NCOA7: variants seen among roughly 807,000 people sequenced by gnomAD.
NCOA7 encodes nuclear receptor coactivator 7, also known as 140 kDa estrogen receptor-associated protein.
Under a neutral mutation model 104.3 loss-of-function variants are expected in NCOA7, and 45 were observed. That is an observed-to-expected ratio of 0.43 (90% CI 0.34 to 0.55). NCOA7 has a LOEUF of 0.55. NCOA7 is among the 20% of genes least tolerant of loss of function. The pLI is 0.02. For synonymous variants in NCOA7, 398 were observed against 402.3 expected, an observed-to-expected ratio of 0.99 and a Z score of 0.13; for missense variants, 1,041 against 1,119.7, an observed-to-expected ratio of 0.93 and a Z score of 1.00.
chr6:125,791,690 C>T (rs1463267825), intron 1 of NCOA7, among the ~76,000 whole-genome samples: 1 of 152,072 alleles, frequency 6.6e-6, no homozygotes, highest in Non-Finnish European at 1.5e-5. Flanking sequence ...CCTCTGCTTA[C>T]GTGAAGGGAT....
upstream of NCOA7, among the ~76,000 whole-genome samples, chr6:125,788,796 C>T (rs768144128): frequency 2.0e-5 from 3 of 151,602 alleles, no homozygotes; most frequent in Non-Finnish European, 4.4e-5. Context: ...CCCGCCTCGG[C>T]CTCCCAAAGT....
intron 12 of NCOA7, among the ~76,000 whole-genome samples, chr6:125,921,865 A>G (rs1787617153): frequency 6.6e-6 from 1 of 152,176 alleles, no homozygotes; most frequent in African/African-American, 2.4e-5. Flanking sequence ...TTTACTTGAA[A>G]TTCATGAAAT....
intron 2 of NCOA7, among the ~76,000 whole-genome samples, chr6:125,852,495 GA>G (rs948693693): frequency 6.6e-6 from 1 of 152,088 alleles, no homozygotes; most frequent in African/African-American, 2.4e-5. Context: ...GCCCAGCCCA[GA>G]AGAATTTTTA....
At chr6:125,860,007 A>G (rs995177094) in intron 3 of NCOA7, among the ~76,000 whole-genome samples, 1 of 152,204 alleles carries the variant, frequency 6.6e-6, no homozygotes, top group Admixed American at 6.5e-5. Flanking sequence ...GAGTGATTAC[A>G]TTGAGGCAGA....
chr6:125,926,931 G>T (rs1467743272), intron 13 of NCOA7, among the ~76,000 whole-genome samples: 3 of 152,168 alleles, frequency 2.0e-5, no homozygotes, highest in African/African-American at 7.2e-5. Flanking sequence ...GGCAGTGGGC[G>T]TACACATTCT....
chr6:125,824,832 C>G (rs1227169168), intron 2 of NCOA7, among the ~76,000 whole-genome samples: 1 of 152,126 alleles, frequency 6.6e-6, no homozygotes, highest in Non-Finnish European at 1.5e-5. Context: ...GATCTCGGCT[C>G]ACTGCAAGCT....
chr6:125,788,827 C>G (rs1256358459), upstream of NCOA7, among the ~76,000 whole-genome samples: 1 of 151,778 alleles, frequency 6.6e-6, no homozygotes, highest in Non-Finnish European at 1.5e-5. Flanking sequence ...CAAGCGTGAG[C>G]CACTGCGCCT....
rs182975062 is a variant in NCOA7, at chr6:125,890,767, C to T, written c.2053C>T (p.Arg685Trp). The stretch of plus-strand genomic sequence containing the variant: ...AGCCATGGTCCAGCAGTACGGCAAA[C>T]GGAGAAAGCAGCCAGAGTACTGGTT... ...TAAMVQQYGK[R>W]RKQPEYWFAV... The change falls in exon 10 of 16, where the codon CGG becomes TGG. Residue 685 changes from arginine to tryptophan, a missense_variant. Physicochemically the swap from Arg to Trp is moderately radical, Grantham distance 101. Around this residue, in one of 2 missense-constraint regions of NCOA7, gnomAD observed 914 missense variants for 942.7 expected, o/e 0.97. Transcript: ENST00000392477. 3.2e-5 allele frequency: 51 copies of T among 1,612,642 alleles called. No homozygotes were observed. The Admixed American group carries it at 6.4e-4, about 20-fold the overall frequency.
intron 2 of NCOA7, among the ~76,000 whole-genome samples, chr6:125,817,186 G>A (rs749725708): frequency 6.6e-6 from 1 of 152,198 alleles, no homozygotes; most frequent in Non-Finnish European, 1.5e-5. Context: ...GTTGTTTCCA[G>A]TTTGGGCTAT....
chr6:125,905,441 T>C (rs755697642), intron 10 of NCOA7, among the ~76,000 whole-genome samples: 5 of 152,040 alleles, frequency 3.3e-5, no homozygotes, highest in Admixed American at 6.5e-5. Context: ...TTTGTATTTT[T>C]AGAAGAGATG....
At chr6:125,854,160 G>T (rs1027321941) in intron 2 of NCOA7, among the ~76,000 whole-genome samples, 31 of 152,324 alleles carry the variant, frequency 2.0e-4, no homozygotes, top group Middle Eastern at 3.4e-3. Context: ...TTATATATGA[G>T]TAGAGTACAA....
chr6:125,855,318 T>C (rs1204902117), intron 3 of NCOA7, 78 bp downstream of exon 3: 4 of 1,148,144 alleles, frequency 3.5e-6, no homozygotes, highest in Non-Finnish European at 5.0e-6. Context: ...CATTTGTGAT[T>C]GATCATAATA....
chr6:125,921,102 C>A (rs1422901519), intron 12 of NCOA7, 34 bp downstream of exon 12: 3 of 1,602,986 alleles, frequency 1.9e-6, no homozygotes, highest in Non-Finnish European at 2.6e-6. Flanking sequence ...GGTGGGGGTT[C>A]CTAGGCTTTA....
chr6:125,904,344 C>T (rs1332880108), intron 10 of NCOA7, among the ~76,000 whole-genome samples: 2 of 152,182 alleles, frequency 1.3e-5, no homozygotes, highest in Admixed American at 6.5e-5. Context: ...CTCTCCACCA[C>T]CTGAGCACCT....
At chr6:125,826,369 C>T (rs569765739) in intron 2 of NCOA7, among the ~76,000 whole-genome samples, 1 of 151,116 alleles carries the variant, frequency 6.6e-6, no homozygotes, top group African/African-American at 2.4e-5. Context: ...TTTAATGAAT[C>T]ATTTAAAATG....
rs1786983819 is a variant in NCOA7 at position 125,915,444 on chromosome 6, C to T, written c.2208C>T (p.Asp736=). The part of the protein sequence containing the change: ...VVEKEELNMI[D]NFFSEPTTKS... The stretch of plus-strand genomic sequence containing the variant: ...AGAAGGAAGAACTGAACATGATTGA[C>T]AACTTCTTCAGTGAGCCAACAACCA... The change falls in exon 11 of 16, where the codon GAC becomes GAT. Residue 736 remains aspartate (D), a synonymous_variant. Transcript: ENST00000392477. 2 of 1,613,864 alleles carry T rather than the reference C, an allele frequency of 1.2e-6. No homozygotes were observed. The highest frequency in any genetic ancestry group is 4.5e-5 in the East Asian group (2 of 44,872).
At chr6:125,808,161 A>C (rs576845362) in intron 1 of NCOA7, among the ~76,000 whole-genome samples, 1 of 152,268 alleles carries the variant, frequency 6.6e-6, no homozygotes, top group Admixed American at 6.5e-5. Flanking sequence ...GATTCCCCGA[A>C]CACCACACAT....
chr6:125,849,439 G>A (rs1780927474), intron 2 of NCOA7, among the ~76,000 whole-genome samples: 1 of 152,196 alleles, frequency 6.6e-6, no homozygotes, highest in Non-Finnish European at 1.5e-5. Flanking sequence ...TGCCCTTGGG[G>A]AAGCCCATAG....
intron 10 of NCOA7, among the ~76,000 whole-genome samples, chr6:125,910,598 A>G (rs1020199949): frequency 6.6e-6 from 1 of 152,232 alleles, no homozygotes; most frequent in African/African-American, 2.4e-5. Context: ...AGAGAGAGAT[A>G]GCTGGTGGGA....
Sources: gnomAD v4.1 joint callset for allele counts (sites outside exome capture counted in the v4.1 genomes callset) on GRCh38, gnomAD v4.1.1 for gene constraint, gnomAD v4.1.1 regional missense constraint, MANE v1.5 for transcripts, NCBI Gene and HGNC (gene_info 2026-07-23, HGNC 2026-07-21) for gene names.